TTC6: variants seen among roughly 807,000 people sequenced by gnomAD.
The protein encoded by TTC6 is tetratricopeptide repeat domain 6, also known as tetratricopeptide repeat protein 6.
TTC6 carries 172 observed loss-of-function variants against 210.4 expected under a neutral mutation model. That is an observed-to-expected ratio of 0.82 (90% CI 0.72 to 0.93). TTC6 has a LOEUF of 0.93. TTC6 is among the 40% of genes least tolerant of loss of function. The pLI, the probability that TTC6 is intolerant of heterozygous loss-of-function variation, is 0.00. For synonymous variants in TTC6, 804 were observed against 819.6 expected, an observed-to-expected ratio of 0.98 and a Z score of 0.32; for missense variants, 2,414 against 2,318.1, an observed-to-expected ratio of 1.04 and a Z score of -0.85.
chr14:37,719,449 C>G (rs1047533854), intron 6 of TTC6, among the ~76,000 whole-genome samples: 3 of 151,644 alleles, frequency 2.0e-5, no homozygotes, highest in African/African-American at 7.3e-5. Flanking sequence ...AGCTGACTTC[C>G]TGACTTACTA....
intron 1 of TTC6, 71 bp downstream of exon 1, chr14:37,596,079 C>A (rs1396176782): frequency 6.6e-6 from 1 of 152,098 alleles, no homozygotes; most frequent in Non-Finnish European, 1.5e-5. Flanking sequence ...GTCCGCTCCT[C>A]TCCCCTTGTC....
At chr14:37,610,993 CA>C (rs889099572) in intron 2 of TTC6, among the ~76,000 whole-genome samples, 8 of 152,244 alleles carry the variant, frequency 5.3e-5, no homozygotes, top group African/African-American at 1.4e-4. Flanking sequence ...TTAAGCTCCG[CA>C]AAAGCTGCCA....
chr14:37,704,447 G>A (rs1460677555), intron 5 of TTC6, among the ~76,000 whole-genome samples: 1 of 151,960 alleles, frequency 6.6e-6, no homozygotes, highest in Admixed American at 6.6e-5. Flanking sequence ...AACTATGATT[G>A]TTACTCTTTT....
At chr14:37,792,239 A>T in intron 16 of TTC6, 25 bp from the exon 19 acceptor site, 1,084 of 1,193,932 alleles carry the variant, frequency 9.1e-4, no homozygotes, top group Non-Finnish European at 1.2e-3. Context: ...GTTTAACAAG[A>T]TTTCACTTTC....
intron 29 of TTC6, among the ~76,000 whole-genome samples, chr14:37,832,881 A>G (rs1162078485): frequency 6.6e-6 from 1 of 151,858 alleles, no homozygotes; most frequent in Admixed American, 6.6e-5. Context: ...AATATGGTGA[A>G]ACCCTGCCTC....
chr14:37,726,993 A>G (rs1254544329), intron 7 of TTC6, among the ~76,000 whole-genome samples: 1 of 150,420 alleles, frequency 6.6e-6, no homozygotes, highest in Non-Finnish European at 1.5e-5. Context: ...TTCTTTTTTC[A>G]TTTGTTTTTA....
intron 29 of TTC6, among the ~76,000 whole-genome samples, chr14:37,833,612 G>A (rs1453649144): frequency 2.0e-5 from 3 of 152,006 alleles, no homozygotes; most frequent in South Asian, 2.1e-4. Flanking sequence ...GAGTTCTTTC[G>A]ATAGGTAAGG....
At chr14:37,825,820 G>A (rs1467057597) in intron 27 of TTC6, among the ~76,000 whole-genome samples, 1 of 152,000 alleles carries the variant, frequency 6.6e-6, no homozygotes, top group African/African-American at 2.4e-5. Context: ...TGGAGATTCA[G>A]TGCGAACCAA....
Position 37,606,836 on chromosome 14 carries a change from T to C in TTC6, c.-155+94T>C, listed in dbSNP as rs1046182190. 9.4e-5 allele frequency: 89 copies of C among 950,150 alleles called. No individual in the cohort carries two copies. In the African/African-American group the frequency reaches 1.5e-3, roughly 16 times the overall value. The allele number at this position is 950,150 out of a possible 1,614,324, so 58.9% of individuals were successfully genotyped here. ...CTGTCACCATCTTGGAGTACAGCCA[T>C]GAAGGCTCCAGGATTTCTGTGGTGG... On this transcript the variant is annotated intron_variant, in intron 2 of 2. Coordinates refer to the TTC6 transcript ENST00000556845.
intron 14 of TTC6, among the ~76,000 whole-genome samples, chr14:37,785,499 A>G (rs1218686929): frequency 2.6e-5 from 4 of 152,090 alleles, no homozygotes; most frequent in Non-Finnish European, 5.9e-5. Flanking sequence ...TATGCTGTTT[A>G]TTCTAGTTAG....
chr14:37,598,021 G>A lies in TTC6; in HGVS notation c.-235+2013G>A, dbSNP rs1320845881. Among the ~76,000 whole-genome samples the A allele has an allele frequency of 6.6e-6, 1 of 152,196 alleles. No individual in the cohort carries two copies. Reference sequence around the variant, plus strand: ...AAAGCGAATCAGCAGGGTCGTGTTGGGTCTTTGACTTGGAAATGCATACAT... The same window carrying A: ...AAAGCGAATCAGCAGGGTCGTGTTGAGTCTTTGACTTGGAAATGCATACAT... On this transcript the variant is annotated intron_variant, in intron 1 of 2. Coordinates refer to the TTC6 transcript ENST00000556845. The surrounding 1 kb of genome is among the most constrained non-coding windows in gnomAD (Gnocchi z 4.9).
At chr14:37,736,042 G>A in intron 8 of TTC6, 32 bp downstream of exon 10, 1 of 1,143,636 alleles carries the variant, frequency 8.7e-7, no homozygotes, top group Non-Finnish European at 1.3e-6. Context: ...AATTAGGATT[G>A]TTTACTCTAT....
At chr14:37,631,701 G>T (rs1206246673) in intron 1 of TTC6, among the ~76,000 whole-genome samples, 1 of 152,200 alleles carries the variant, frequency 6.6e-6, no homozygotes, top group Non-Finnish European at 1.5e-5. Context: ...ATATCGTGAA[G>T]AGTGTTTTCC....
At chr14:37,673,974 A>G (rs1015485849) in intron 1 of TTC6, among the ~76,000 whole-genome samples, 2 of 152,196 alleles carry the variant, frequency 1.3e-5, no homozygotes, top group African/African-American at 4.8e-5. Context: ...ATTAACTACT[A>G]GTTACAGTTT....
chr14:37,735,619 G>C (rs187441879), intron 7 of TTC6, among the ~76,000 whole-genome samples: 4 of 152,236 alleles, frequency 2.6e-5, no homozygotes, highest in African/African-American at 9.6e-5. Context: ...TAAATTCAGT[G>C]TTAACCTATG....
intron 29 of TTC6, among the ~76,000 whole-genome samples, chr14:37,832,232 T>A (rs1001947721): frequency 6.6e-6 from 1 of 151,858 alleles, no homozygotes; most frequent in Non-Finnish European, 1.5e-5. Flanking sequence ...TCAGTTTTGT[T>A]TATCTTTACA....
intron 1 of TTC6, among the ~76,000 whole-genome samples, chr14:37,635,040 A>T (rs1307702809): frequency 6.6e-6 from 1 of 152,190 alleles, no homozygotes; most frequent in Non-Finnish European, 1.5e-5. Context: ...AACATAATAA[A>T]CAAAACTATG....
At chr14:37,634,150 T>C (rs1395460226) in intron 1 of TTC6, among the ~76,000 whole-genome samples, 2 of 152,148 alleles carry the variant, frequency 1.3e-5, no homozygotes, top group African/African-American at 2.4e-5. Context: ...GACAGAGATG[T>C]TGGAATTATC....
chr14:37,691,223 G>T (rs761410118), intron 3 of TTC6, among the ~76,000 whole-genome samples: 2 of 152,038 alleles, frequency 1.3e-5, no homozygotes, highest in Non-Finnish European at 2.9e-5. Flanking sequence ...CCAGCTACTC[G>T]GGAGGCTGAG....
Sources: allele counts gnomAD v4.1 joint callset (sites outside exome capture counted in the v4.1 genomes callset), GRCh38; gene constraint gnomAD v4.1.1; non-coding constraint Gnocchi (gnomAD v3.1); transcripts MANE v1.5; gene names NCBI Gene and HGNC (gene_info 2026-07-23, HGNC 2026-07-21).